Variants in CYB561A3 observed in about 807,000 individuals in gnomAD.
CYB561A3 encodes the protein lysosomal membrane ascorbate-dependent ferrireductase CYB561A3.
In CYB561A3, 16 loss-of-function variants were observed where a neutral mutation model predicts 25.3. That is an observed-to-expected ratio of 0.63 (90% CI 0.43 to 0.96). CYB561A3 has a LOEUF of 0.96. CYB561A3 is among the 40% of genes least tolerant of loss of function. CYB561A3 has a pLI of 0.00. For missense variants in CYB561A3, 219 were observed against 307.5 expected (o/e 0.71, Z 2.15); for synonymous variants, 131 against 129.9 (o/e 1.01, Z -0.06).
chr11:61,354,163 C>T (rs1277317883), intron 3 of CYB561A3, 171 bp from the exon 4 acceptor site: 4 of 696,722 alleles, frequency 5.7e-6, no homozygotes, highest in Non-Finnish European at 9.5e-6. Context: ...TGTGGGATAA[C>T]AGCCATGAAG....
At chr11:61,350,864 C>A (rs1443779267) in intron 6 of CYB561A3, 127 bp downstream of exon 6, 7 of 1,386,774 alleles carry the variant, frequency 5.0e-6, no homozygotes, top group Non-Finnish European at 6.7e-6. Context: ...TAACTCCACC[C>A]TCAAGTTACT....
intron 2 of CYB561A3, chr11:61,357,106 C>T: frequency 4.0e-6 from 6 of 1,490,762 alleles, no homozygotes; most frequent in Non-Finnish European, 5.5e-6. Flanking sequence ...GGACAGGAAT[C>T]AAAATCCAGG....
intron 1 of CYB561A3, chr11:61,358,310 C>T (rs1019250830): frequency 1.1e-4 from 16 of 151,716 alleles, no homozygotes; most frequent in African/African-American, 3.9e-4. Flanking sequence ...ATCCCAGCTA[C>T]TCAGGAGGCT....
chr11:61,356,525 C>T lies in CYB561A3; in HGVS notation c.184+5G>A, dbSNP rs1344862652. The T allele has an allele frequency of 1.0e-5, 16 of 1,593,696 alleles. No individual in the cohort carries two copies. Among genetic ancestry groups the T allele is most frequent in the Non-Finnish European group, 1.4e-5 (16 of 1,167,232 alleles). On this transcript the variant is annotated splice_donor_5th_base_variant and intron_variant, in intron 3 of 6. Coordinates refer to ENST00000294072, the MANE Select transcript of CYB561A3 (RefSeq NM_153611.6). The stretch of plus-strand genomic sequence containing the variant: ...TCCCGCCTCCCTTCCTGACCTCTTA[C>T]TCACCACCTCCATAGAATACCACCA...
At chr11:61,361,675 A>C (rs1307206412) in intron 1 of CYB561A3, 58 bp downstream of exon 1, 1 of 152,378 alleles carries the variant, frequency 6.6e-6, no homozygotes, top group Non-Finnish European at 1.5e-5. Flanking sequence ...GCGAGATAGC[A>C]GCGGAACCAG....
At position 61,350,014 on chromosome 11, in the gene CYB561A3, G is replaced by T. The variant is rs1857322954; in HGVS notation, c.*385C>A. 2.1e-6 allele frequency: 1 copy of T among 474,790 alleles called. No individual in the cohort carries two copies. Among genetic ancestry groups the T allele is most frequent in the Non-Finnish European group, 3.9e-6 (1 of 259,342 alleles). The allele number at this position is 474,790 out of a possible 1,614,324, so 29.4% of individuals were successfully genotyped here. Reference sequence around the variant, plus strand: ...TCTTCAGACAGGAGCAGCAAGAGCGGCCAGAGCGAGGAGGACCTCGTGTGA... The same window carrying T: ...TCTTCAGACAGGAGCAGCAAGAGCGTCCAGAGCGAGGAGGACCTCGTGTGA... On this transcript the variant is annotated 3_prime_UTR_variant, in exon 7 of 7. Transcript: ENST00000294072.
In CYB561A3 at chr11:61,349,691, A is replaced by C; in HGVS notation, c.*708T>G. The stretch of plus-strand genomic sequence containing the variant: ...GTCACAATACATGCAGACACAGAGC[A>C]GCAATACGAAACAGAACAGCTCAGA... On this transcript the variant is annotated 3_prime_UTR_variant, in exon 7 of 7. Transcript: ENST00000294072. The C allele has an allele frequency of 1.4e-6, 1 of 701,978 alleles. No individual in the cohort carries two copies. Among genetic ancestry groups the C allele is most frequent in the Non-Finnish European group, 2.6e-6 (1 of 384,504 alleles). The allele number at this position is 701,978 out of a possible 1,614,324, so 43.5% of individuals were successfully genotyped here.
chr11:61,350,950 T>C (rs759434171), intron 6 of CYB561A3, 41 bp downstream of exon 6: 1 of 1,586,660 alleles, frequency 6.3e-7, no homozygotes, highest in Non-Finnish European at 8.6e-7. Flanking sequence ...TCTCTAGACC[T>C]GGCCCTGTCC....
intron 1 of CYB561A3, chr11:61,360,979 GAA>G (rs11314685): frequency 2.9e-4 from 42 of 143,926 alleles, no homozygotes; most frequent in South Asian, 8.8e-4. Flanking sequence ...CTCTGTCTCA[GAA>G]AAAAAAAAAA....
chr11:61,356,609 A>G lies in CYB561A3; in HGVS notation c.105T>C (p.Phe35=). The change falls in exon 3 of 7, where the codon TTT becomes TTC. Residue 35 remains phenylalanine, a synonymous_variant. Transcript: ENST00000294072. The part of the protein sequence containing the change: ...IYWMQYWRGG[F]AWNGSIYMFN... Reference sequence around the variant, plus strand: ...ACATGTAGATGCTGCCATTCCAGGCAAAGCCACCACGCCAGTACTGCATCC... The same window carrying G: ...ACATGTAGATGCTGCCATTCCAGGCGAAGCCACCACGCCAGTACTGCATCC... 2 of 1,614,192 alleles carry G rather than the reference A, an allele frequency of 1.2e-6. No homozygotes were observed. The highest frequency in any genetic ancestry group is 1.7e-6 in the Non-Finnish European group (2 of 1,180,022).
chr11:61,350,597 A>G (rs954474102), intron 6 of CYB561A3, 175 bp from the exon 7 acceptor site: 3 of 739,788 alleles, frequency 4.1e-6, no homozygotes, highest in African/African-American at 1.8e-5. Context: ...CCTACATCCC[A>G]TCAAGACCTG....
intron 3 of CYB561A3, 175 bp from the exon 4 acceptor site, chr11:61,354,167 C>T: frequency 4.4e-6 from 3 of 680,454 alleles, no homozygotes; most frequent in Non-Finnish European, 7.4e-6. Context: ...GGATAACAGC[C>T]ATGAAGGGAG....
downstream of CYB561A3, chr11:61,348,773 A>G (rs1448060009): frequency 6.6e-6 from 1 of 152,404 alleles, no homozygotes; most frequent in African/African-American, 2.4e-5. Flanking sequence ...AGGCTATTAT[A>G]TTTTTGTTAT....
chr11:61,356,513 C>T lies in CYB561A3; in HGVS notation c.184+17G>A. 1.3e-6 allele frequency: 2 copies of T among 1,593,792 alleles called. No homozygotes were observed. The highest frequency in any genetic ancestry group is 2.3e-5 in the East Asian group (1 of 43,668). ...GCCTGAGCCCTATCCCGCCTCCCTT[C>T]CTGACCTCTTACTCACCACCTCCAT... On this transcript the variant is annotated intron_variant, in intron 3 of 6. Transcript: ENST00000294072.
chr11:61,349,964 G>C lies in CYB561A3; in HGVS notation c.*435C>G. The C allele has an allele frequency of 4.2e-6, 2 of 472,746 alleles. No individual in the cohort carries two copies. The highest frequency in any genetic ancestry group is 7.8e-6 in the Non-Finnish European group (2 of 257,502). The allele number at this position is 472,746 out of a possible 1,614,324, so 29.3% of individuals were successfully genotyped here. On this transcript the variant is annotated 3_prime_UTR_variant, in exon 7 of 7. Coordinates refer to ENST00000294072, the MANE Select transcript of CYB561A3 (RefSeq NM_153611.6). The stretch of plus-strand genomic sequence containing the variant: ...CCAGCTCTTCACCACATCCCTAGGA[G>C]TCTTAAGAGGAAATCAGTCTGATTT...
intron 3 of CYB561A3, chr11:61,354,292 G>C (rs903241113): frequency 2.4e-6 from 1 of 421,564 alleles, no homozygotes. Context: ...AGGAGTTTGA[G>C]GTTACAGTGA....
chr11:61,350,577 A>G (rs910929029), intron 6 of CYB561A3, 155 bp from the exon 7 acceptor site: 2 of 881,208 alleles, frequency 2.3e-6, no homozygotes, highest in African/African-American at 3.4e-5. Context: ...CCTGGTACAC[A>G]CCCCGTCTCC....
chr11:61,350,689 G>A, intron 6 of CYB561A3: 1 of 596,542 alleles, frequency 1.7e-6, no homozygotes, highest in Non-Finnish European at 2.9e-6. Flanking sequence ...ACACACCCTT[G>A]TCACAGTCAA....
At chr11:61,352,927 T>C (rs1211608404) in intron 5 of CYB561A3, 58 bp downstream of exon 5, 1 of 1,613,446 alleles carries the variant, frequency 6.2e-7, no homozygotes, top group Admixed American at 1.7e-5. Context: ...AGGGTGTATC[T>C]TTTGAAGACC....
Sources: allele counts gnomAD v4.1 joint callset, GRCh38; gene constraint gnomAD v4.1.1; transcripts MANE v1.5; gene names NCBI Gene and HGNC (gene_info 2026-07-23, HGNC 2026-07-21).